IL1R1: variants seen among roughly 807,000 people sequenced by gnomAD.
IL1R1 encodes the protein interleukin 1 receptor type 1.
A neutral mutation model predicts 50.2 loss-of-function variants in IL1R1; 22 were observed. The ratio of observed to expected loss-of-function variants is 0.44; its 90% CI spans 0.31 to 0.63. The LOEUF (loss-of-function observed/expected upper bound fraction) is 0.63, where lower values mean the gene tolerates loss of function less well. Ranked by LOEUF, IL1R1 falls within the 20% of genes least tolerant of loss-of-function variation. IL1R1 has a pLI of 0.07. For missense variants in IL1R1, 509 were observed against 676.2 expected (o/e 0.75, Z 2.74); for synonymous variants, 251 against 236.7 (o/e 1.06, Z -0.55).
intron 1 of IL1R1, among the ~76,000 whole-genome samples, chr2:102,106,734 C>G: frequency 6.6e-6 from 1 of 152,196 alleles, no homozygotes; most frequent in East Asian, 1.9e-4. Context: ...TATTTGTACT[C>G]TACATGCTTT....
intron 3 of IL1R1, among the ~76,000 whole-genome samples, chr2:102,161,400 T>C (rs771674487): frequency 6.6e-6 from 1 of 152,202 alleles, no homozygotes; most frequent in Non-Finnish European, 1.5e-5. Flanking sequence ...AAGAATGTAA[T>C]GTTCTACTGT....
At chr2:102,160,411 TCTTA>T (rs1684611796) in intron 3 of IL1R1, among the ~76,000 whole-genome samples, 1 of 152,188 alleles carries the variant, frequency 6.6e-6, no homozygotes, top group Non-Finnish European at 1.5e-5. Flanking sequence ...ACTATTTTCT[TCTTA>T]CTTCTGTTAT....
At chr2:102,147,031 G>T (rs1404607728) in intron 1 of IL1R1, among the ~76,000 whole-genome samples, 1 of 152,210 alleles carries the variant, frequency 6.6e-6, no homozygotes, top group Non-Finnish European at 1.5e-5. Context: ...ACATGTCTAA[G>T]CCAGCCATCA....
At chr2:102,153,578 G>A (rs190859732) in intron 1 of IL1R1, among the ~76,000 whole-genome samples, 41 of 152,242 alleles carry the variant, frequency 2.7e-4, no homozygotes, top group Non-Finnish European at 4.6e-4. Context: ...GGAGGGATCT[G>A]GTGGGAGGTG....
intron 2 of IL1R1, chr2:102,156,094 C>A (rs767876714): frequency 2.0e-5 from 3 of 152,218 alleles, no homozygotes; most frequent in Non-Finnish European, 4.4e-5. Flanking sequence ...TGGCCTGGAA[C>A]TGGTGATTGG....
upstream of IL1R1, chr2:102,141,758 A>G (rs1178446042): frequency 1.3e-5 from 2 of 152,208 alleles, no homozygotes; most frequent in African/African-American, 4.8e-5. Flanking sequence ...AGCTATCATC[A>G]TTTATTAAAA....
intron 1 of IL1R1, among the ~76,000 whole-genome samples, chr2:102,152,457 A>T (rs1683755565): frequency 1.5e-5 from 2 of 132,492 alleles, no homozygotes; most frequent in Admixed American, 1.8e-4. Flanking sequence ...GTGAGCCTAG[A>T]TCGCACCACT....
intron 3 of IL1R1, among the ~76,000 whole-genome samples, chr2:102,161,136 A>G (rs542197659): frequency 1.8e-4 from 27 of 152,194 alleles, no homozygotes; most frequent in African/African-American, 6.5e-4. Flanking sequence ...TTGATATGTT[A>G]TGTTTTCCTT....
chr2:102,141,136 C>T (rs989085412), upstream of IL1R1, among the ~76,000 whole-genome samples: 2 of 152,206 alleles, frequency 1.3e-5, no homozygotes, highest in South Asian at 4.1e-4. Context: ...CCTGCTGTAG[C>T]TTTCAGAACT....
At chr2:102,141,111 A>G (rs905557039), upstream of IL1R1, among the ~76,000 whole-genome samples, 2 of 152,236 alleles carry the variant, frequency 1.3e-5, no homozygotes, top group Admixed American at 1.3e-4. Context: ...GTTCCACAGC[A>G]TGGAGCCAGG....
chr2:102,129,647 G>T (rs534877450), intron 1 of IL1R1, among the ~76,000 whole-genome samples: 1 of 152,150 alleles, frequency 6.6e-6, no homozygotes, highest in African/African-American at 2.4e-5. Context: ...CTTTGAAATC[G>T]GGGTCAGGGG....
At chr2:102,124,198 G>C (rs1408302622) in intron 1 of IL1R1, among the ~76,000 whole-genome samples, 2 of 152,304 alleles carry the variant, frequency 1.3e-5, no homozygotes, top group Non-Finnish European at 2.9e-5. Context: ...GAGGTGGGCA[G>C]ATTGCCCAAG....
At chr2:102,146,634 T>G (rs926818170) in intron 1 of IL1R1, among the ~76,000 whole-genome samples, 2 of 152,194 alleles carry the variant, frequency 1.3e-5, no homozygotes, top group Non-Finnish European at 1.5e-5. Context: ...ATTTTCACAG[T>G]GATTGCATTC....
intron 1 of IL1R1, among the ~76,000 whole-genome samples, chr2:102,147,375 C>T (rs1343908559): frequency 6.6e-6 from 1 of 152,190 alleles, no homozygotes; most frequent in Non-Finnish European, 1.5e-5. Flanking sequence ...GCTGTTCTTG[C>T]CTGACTGGGA....
chr2:102,143,691 C>T (rs1682870859), intron 1 of IL1R1, among the ~76,000 whole-genome samples: 1 of 152,148 alleles, frequency 6.6e-6, no homozygotes, highest in Non-Finnish European at 1.5e-5. Flanking sequence ...CTGCATGCAG[C>T]CCCCCTCTGT....
intron 2 of IL1R1, among the ~76,000 whole-genome samples, chr2:102,154,992 G>C: frequency 6.6e-6 from 1 of 152,158 alleles, no homozygotes; most frequent in South Asian, 2.1e-4. Context: ...CCACATCACA[G>C]TCTAACTCTG....
chr2:102,096,634 T>C (rs1342004607), intron 1 of IL1R1, among the ~76,000 whole-genome samples: 1 of 152,110 alleles, frequency 6.6e-6, no homozygotes, highest in East Asian at 1.9e-4. Flanking sequence ...TTATTTGTGT[T>C]ATAAATGTCT....
chr2:102,162,833 A>G (rs1684849949), intron 3 of IL1R1, among the ~76,000 whole-genome samples: 1 of 152,150 alleles, frequency 6.6e-6, no homozygotes. Context: ...AGATGATCTT[A>G]TAATTACCCA....
upstream of IL1R1, chr2:102,142,216 G>A (rs1166344214): frequency 6.6e-6 from 1 of 152,118 alleles, no homozygotes; most frequent in East Asian, 1.9e-4. Context: ...TTAAAAAACT[G>A]TTTTCAACCA....
Sources: allele counts gnomAD v4.1 joint callset (sites outside exome capture counted in the v4.1 genomes callset), GRCh38; gene constraint gnomAD v4.1.1; transcripts MANE v1.5; gene names NCBI Gene and HGNC (gene_info 2026-07-23, HGNC 2026-07-21).